FLNC: variants seen among roughly 807,000 people sequenced by gnomAD.
FLNC encodes the protein filamin-C.
Under a neutral mutation model 254.3 loss-of-function variants are expected in FLNC, and 91 were observed. The ratio of observed to expected loss-of-function variants is 0.36; its 90% CI spans 0.30 to 0.43. The LOEUF (loss-of-function observed/expected upper bound fraction) is 0.43. FLNC is among the 20% of genes least tolerant of loss of function. The pLI, the probability that FLNC is intolerant of heterozygous loss-of-function variation, is 1.00. For synonymous variants in FLNC, 1,430 were observed against 1,577.2 expected, an observed-to-expected ratio of 0.91 and a Z score of 2.21; for missense variants, 2,853 against 3,802.6, an observed-to-expected ratio of 0.75 and a Z score of 6.57.
Position 128,848,858 on chromosome 7 carries a change from C to T in FLNC, c.4803C>T (p.Ser1601=), listed in dbSNP as rs371475710. 90 of 1,614,116 alleles carry T rather than the reference C, an allele frequency of 5.6e-5. 2 individuals carry two copies. The South Asian group carries it at 5.6e-4, about 10-fold the overall frequency. Residue 1601 remains serine, a synonymous_variant, in exon 28 of 48, where the codon TCC becomes TCT. Coordinates refer to ENST00000325888, the MANE Select transcript of FLNC (RefSeq NM_001458.5). Reference sequence around the variant, plus strand: ...ATGGGGATGGCACGTACACTGTGTCCTACCTGCCGGACATGAGTGGCCGGT... The same window carrying T: ...ATGGGGATGGCACGTACACTGTGTCTTACCTGCCGGACATGAGTGGCCGGT... The part of the protein sequence containing the change: ...RDNGDGTYTV[S]YLPDMSGRYT...
chr7:128,838,043 C>T lies in FLNC; in HGVS notation c.1026C>T (p.Pro342=), dbSNP rs200633995. The part of the protein sequence containing the change: ...KDRTYAVSYV[P]KVAGLHKVTV... ...GCACCTATGCTGTCTCCTATGTGCC[C>T]AAGGTCGCTGGGTTACACAAGGTAT... Residue 342 remains proline, a synonymous_variant, in exon 6 of 48, where the codon CCC becomes CCT. Transcript: ENST00000325888. 291 of 1,613,762 alleles carry T rather than the reference C, an allele frequency of 1.8e-4. 1 individual carries two copies. The highest frequency in any genetic ancestry group is 9.7e-5 in the Non-Finnish European group (115 of 1,179,846).
intron 28 of FLNC, 71 bp from the exon 29 acceptor site, chr7:128,849,109 CT>C: frequency 1.3e-6 from 2 of 1,559,522 alleles, no homozygotes; most frequent in Non-Finnish European, 1.8e-6. Context: ...TGGCCCCTCC[CT>C]CCCTCACCCC....
intron 16 of FLNC, 126 bp from the exon 17 acceptor site, chr7:128,843,103 A>T: frequency 4.4e-6 from 6 of 1,366,420 alleles, no homozygotes; most frequent in Non-Finnish European, 6.1e-6. Flanking sequence ...GAGGAAGCAA[A>T]GGGGGCCCTT....
In FLNC at chr7:128,855,460, C is replaced by T. The variant is rs759186464; in HGVS notation, c.7251+146C>T. On this transcript the variant is annotated intron_variant, in intron 43 of 47. Coordinates refer to ENST00000325888, the MANE Select transcript of FLNC (RefSeq NM_001458.5). ...CCTTCTCATAAGGCACGAGGCAGGG[C>T]CCTTGGGGACGGTGGGCTCCCACCC... The T allele has an allele frequency of 4.4e-6, 3 of 685,976 alleles. No individual in the cohort carries two copies. The African/African-American group carries it at 5.3e-5, about 12-fold the overall frequency. The allele number at this position is 685,976 out of a possible 1,614,324, so 42.5% of individuals were successfully genotyped here.
chr7:128,849,311 C>T lies in FLNC; in HGVS notation c.4952-20C>T, dbSNP rs1199089488. ...GGCTCCAGCCCACCAGCTCCCTGAGCAGGATCTCCCGCATGGCAGGTGCCT... is the reference window on the plus strand; with the variant it reads ...GGCTCCAGCCCACCAGCTCCCTGAGTAGGATCTCCCGCATGGCAGGTGCCT... On this transcript the variant is annotated intron_variant, in intron 29 of 47. Coordinates refer to ENST00000325888, the MANE Select transcript of FLNC (RefSeq NM_001458.5). The T allele has an allele frequency of 3.1e-6, 5 of 1,614,112 alleles. No homozygotes were observed. Among genetic ancestry groups the T allele is most frequent in the South Asian group, 1.1e-5 (1 of 91,080 alleles).
At chr7:128,832,231 A>C (rs1009919746) in intron 1 of FLNC, among the ~76,000 whole-genome samples, 11 of 148,204 alleles carry the variant, frequency 7.4e-5, no homozygotes, top group Non-Finnish European at 1.4e-4. Flanking sequence ...CCCCCACCCC[A>C]CCCGCCTGCC....
rs202128602 is a variant in FLNC, at chr7:128,851,550, G to T, written c.5764G>T (p.Ala1922Ser). 2 of 1,614,008 alleles carry T rather than the reference G, an allele frequency of 1.2e-6. No homozygotes were observed. Among genetic ancestry groups the T allele is most frequent in the South Asian group, 2.2e-5 (2 of 91,082 alleles). ...CTGCACCGTGTCCTATCTGCCGACT[G>T]CGCCTGGAGACTACAGCATCATCGT... Reference protein sequence around the residue: ...GTCTVSYLPTAPGDYSIIVRF... With the variant: ...GTCTVSYLPTSPGDYSIIVRF... Residue 1922 changes from alanine (A) to serine (S), a missense_variant, in exon 35 of 48, where the codon GCG (alanine) becomes TCG (serine). Ala to Ser is a moderately conservative substitution (Grantham distance 99, BLOSUM62 1). This residue lies in a region of FLNC where 551 missense variants were observed against 835.0 expected (regional missense o/e 0.66). Transcript: ENST00000325888.
Position 128,858,530 on chromosome 7 carries a change from A to G in FLNC, c.*7A>G, listed in dbSNP as rs1809168958. ...CAAAGTCAAGGTCCCTTGAATCCCAAAAGTGCCTCCCCAGCCTCAGCCCCC... is the reference window on the plus strand; with the variant it reads ...CAAAGTCAAGGTCCCTTGAATCCCAGAAGTGCCTCCCCAGCCTCAGCCCCC... On this transcript the variant is annotated 3_prime_UTR_variant, in exon 48 of 48. Transcript: ENST00000325888. This position sits in a 1 kb window ranked among gnomAD's most constrained non-coding sequence, Gnocchi z 6.7. The G allele has an allele frequency of 6.2e-7, 1 of 1,610,152 alleles. No individual in the cohort carries two copies.
At position 128,853,791 on chromosome 7, in the gene FLNC, C is replaced by T; in HGVS notation, c.6438C>T (p.Ser2146=). The T allele has an allele frequency of 6.2e-7, 1 of 1,613,730 alleles. No homozygotes were observed. The highest frequency in any genetic ancestry group is 8.5e-7 in the Non-Finnish European group (1 of 1,180,032). ...ESITRRRQAP[S]IATIGSTCDL... Reference sequence around the variant, plus strand: ...TCACCCGGCGGAGACAGGCACCTTCCATCGCCACCATCGGCAGCACCTGTG... The same window carrying T: ...TCACCCGGCGGAGACAGGCACCTTCTATCGCCACCATCGGCAGCACCTGTG... The change falls in exon 39 of 48, where the codon TCC becomes TCT. Residue 2146 remains serine, a synonymous_variant. Coordinates refer to ENST00000325888, the MANE Select transcript of FLNC (RefSeq NM_001458.5).
At position 128,845,976 on chromosome 7, in the gene FLNC, C is replaced by T. The variant is rs1272220828; in HGVS notation, c.3791-14C>T. 10 of 1,613,304 alleles carry T rather than the reference C, an allele frequency of 6.2e-6. No individual in the cohort carries two copies. The highest frequency in any genetic ancestry group is 8.5e-6 in the Non-Finnish European group (10 of 1,179,908). ...GCCCCCACCCCTGCTGAACACGCCACCCCTGGGCTCCAGGTGTCCTGCGGG... is the reference window on the plus strand; with the variant it reads ...GCCCCCACCCCTGCTGAACACGCCATCCCTGGGCTCCAGGTGTCCTGCGGG... On this transcript the variant is annotated splice_polypyrimidine_tract_variant and intron_variant, in intron 21 of 47. Coordinates refer to ENST00000325888, the MANE Select transcript of FLNC (RefSeq NM_001458.5).
rs779855512 is a variant in FLNC at position 128,840,589 on chromosome 7, G to A, written c.1591G>A (p.Gly531Ser). 6 of 1,614,108 alleles carry A rather than the reference G, an allele frequency of 3.7e-6. No individual in the cohort carries two copies. Among genetic ancestry groups the A allele is most frequent in the Non-Finnish European group, 5.1e-6 (6 of 1,180,048 alleles). Residue 531 changes from glycine (G) to serine (S), a missense_variant, in exon 10 of 48, where the codon GGT becomes AGT. By Grantham distance (56) the Gly-to-Ser change is moderately conservative. Around this residue, in one of 10 missense-constraint regions of FLNC, gnomAD observed 1,573 missense variants for 1,883.5 expected, o/e 0.84. Transcript: ENST00000325888. ...EPVKVREAGD[G>S]VFECEYYPVV... Reference sequence around the variant, plus strand: ...AGTGAAGGTGCGGGAGGCTGGGGATGGTGTGTTCGAGTGCGAGTACTACCC... The same window carrying A: ...AGTGAAGGTGCGGGAGGCTGGGGATAGTGTGTTCGAGTGCGAGTACTACCC...
chr7:128,849,727 C>T (rs1042680112), intron 30 of FLNC, 149 bp downstream of exon 30: 10 of 1,110,160 alleles, frequency 9.0e-6, no homozygotes, highest in Non-Finnish European at 1.3e-5. Context: ...GGAGCCTTAA[C>T]TTTCCCCACA....
rs917704503 is a variant in FLNC at position 128,835,106 on chromosome 7, G to A, written c.353-220G>A. On this transcript the variant is annotated intron_variant, in intron 1 of 47. Coordinates refer to ENST00000325888, the MANE Select transcript of FLNC (RefSeq NM_001458.5). This position sits in a 1 kb window ranked among gnomAD's most constrained non-coding sequence, Gnocchi z 5.3. ...GTAGCTGAGGTGAGGGTACCTTCCA[G>A]AACCACAGGAACACAGAGAAGCAGC... Among the ~76,000 whole-genome samples, 3 of 152,190 alleles carry A rather than the reference G, an allele frequency of 2.0e-5. No individual in the cohort carries two copies. The highest frequency in any genetic ancestry group is 2.0e-4 in the Admixed American group (3 of 15,280).
intron 8 of FLNC, 90 bp downstream of exon 8, chr7:128,838,893 A>G (rs1808216124): frequency 1.7e-6 from 2 of 1,202,976 alleles, no homozygotes; most frequent in Non-Finnish European, 1.2e-6. Flanking sequence ...GGGGGTCTGC[A>G]GAGACCCCCT....
rs762095259 is a variant in FLNC at position 128,830,824 on chromosome 7, G to C, written c.187G>C (p.Asp63His). The C allele has an allele frequency of 6.2e-7, 1 of 1,613,088 alleles. No individual in the cohort carries two copies. The highest frequency in any genetic ancestry group is 1.1e-5 in the South Asian group (1 of 91,076). The change falls in exon 1 of 48, where the codon GAC (aspartate) becomes CAC (histidine). Residue 63 changes from aspartate to histidine, a missense_variant. Asp to His is a moderately conservative substitution (Grantham distance 81). Transcript: ENST00000325888. ...CAAGCGCCTGACCGACCTGCAGCGC[G>C]ACCTCAGCGACGGGCTCCGGCTCAT... ...VGKRLTDLQR[D>H]LSDGLRLIAL...
At chr7:128,844,598 C>T in intron 20 of FLNC, 60 bp from the exon 21 acceptor site, 1 of 1,467,396 alleles carries the variant, frequency 6.8e-7, no homozygotes, top group Non-Finnish European at 9.4e-7. Context: ...GGGTGGGGGC[C>T]ATGAAGGCTG....
chr7:128,853,182 G>A (rs1426512306), intron 37 of FLNC, 151 bp downstream of exon 37: 14 of 833,632 alleles, frequency 1.7e-5, no homozygotes, highest in East Asian at 1.6e-4. Flanking sequence ...GGCCCCTTGC[G>A]GGAAAGTGAA....
chr7:128,838,578 T>C (rs756772848), intron 7 of FLNC, 25 bp from the exon 8 acceptor site: 66 of 1,612,140 alleles, frequency 4.1e-5, no homozygotes, highest in Non-Finnish European at 5.4e-5. Flanking sequence ...TCCAGAGTGG[T>C]GCTGACAGCC....
In FLNC at chr7:128,835,594, C is replaced by T; in HGVS notation, c.601+20C>T. The T allele has an allele frequency of 1.9e-6, 3 of 1,611,706 alleles. No individual in the cohort carries two copies. In the South Asian group the frequency reaches 3.3e-5, roughly 18 times the overall value. On this transcript the variant is annotated intron_variant, in intron 2 of 47. Coordinates refer to ENST00000325888, the MANE Select transcript of FLNC (RefSeq NM_001458.5). The surrounding 1 kb of genome is among the most constrained non-coding windows in gnomAD (Gnocchi z 5.3). Reference sequence around the variant, plus strand: ...CCCCCGGTGAGTGGGCCAGTGAGCACAGCATGGAGCCCTTAGCTCCCAAAG... The same window carrying T: ...CCCCCGGTGAGTGGGCCAGTGAGCATAGCATGGAGCCCTTAGCTCCCAAAG...
Sources: allele counts gnomAD v4.1 joint callset (sites outside exome capture counted in the v4.1 genomes callset), GRCh38; gene constraint gnomAD v4.1.1; regional missense constraint gnomAD v4.1.1; non-coding constraint Gnocchi (gnomAD v3.1); transcripts MANE v1.5; gene names NCBI Gene and HGNC (gene_info 2026-07-23, HGNC 2026-07-21).